The following NCOR1 variants were observed in gnomAD, a reference collection of about 807,000 sequenced individuals.
NCOR1 encodes nuclear receptor corepressor 1.
In NCOR1, 63 loss-of-function variants were observed where a neutral mutation model predicts 288.1. The ratio of observed to expected loss-of-function variants is 0.22; its 90% CI spans 0.18 to 0.27. The LOEUF is 0.27. Among genes scored for constraint, NCOR1 ranks in the 10% least tolerant of loss-of-function variants. The pLI, the probability that NCOR1 is intolerant of heterozygous loss-of-function variation, is 1.00. For missense variants in NCOR1, 2,397 were observed against 3,019.2 expected (o/e 0.79, Z 4.83); for synonymous variants, 1,007 against 1,065.9 (o/e 0.94, Z 1.08).
intron 15 of NCOR1, among the ~76,000 whole-genome samples, chr17:16,124,776 C>T (rs969274964): frequency 1.2e-4 from 18 of 152,076 alleles, no homozygotes; most frequent in Non-Finnish European, 2.6e-4. Context: ...TTTTATATGA[C>T]GAAGTCAATA....
chr17:16,160,674 C>G (rs922792348), intron 5 of NCOR1, among the ~76,000 whole-genome samples: 1 of 152,144 alleles, frequency 6.6e-6, no homozygotes. Flanking sequence ...AGCCTGTAAC[C>G]CCAGCTACTC....
intron 2 of NCOR1, among the ~76,000 whole-genome samples, chr17:16,187,720 C>A (rs1308321653): frequency 6.6e-6 from 1 of 151,738 alleles, no homozygotes; most frequent in Non-Finnish European, 1.5e-5. Context: ...GTCTGGGCAA[C>A]ATAGTGAGAC....
chr17:16,152,007 G>T lies in NCOR1; in HGVS notation c.790-9C>A. ...GGCTGGTTATACAGTGGCTATAAAAGAAATCAAATATTTATGTATAAAATG... is the reference window on the plus strand; with the variant it reads ...GGCTGGTTATACAGTGGCTATAAAATAAATCAAATATTTATGTATAAAATG... On this transcript the variant is annotated splice_polypyrimidine_tract_variant and intron_variant, in intron 7 of 45. Transcript: ENST00000268712. 2 of 1,557,884 alleles carry T rather than the reference G, an allele frequency of 1.3e-6. No homozygotes were observed. Among genetic ancestry groups the T allele is most frequent in the Admixed American group, 1.9e-5 (1 of 51,696 alleles).
intron 13 of NCOR1, 117 bp downstream of exon 13, chr17:16,138,041 T>C: frequency 1.4e-6 from 1 of 725,982 alleles, no homozygotes; most frequent in Non-Finnish European, 2.3e-6. Context: ...CATGAGACTC[T>C]TCGCAGTCTT....
chr17:16,153,446 A>C (rs1174006713), intron 6 of NCOR1, 51 bp from the exon 7 acceptor site: 1 of 1,194,684 alleles, frequency 8.4e-7, no homozygotes, highest in East Asian at 2.4e-5. Context: ...ACATTATCTA[A>C]GTGCAAAATA....
intron 5 of NCOR1, among the ~76,000 whole-genome samples, chr17:16,160,631 A>G (rs372241348): frequency 1.5e-4 from 23 of 152,220 alleles, no homozygotes; most frequent in African/African-American, 5.1e-4. Context: ...GCTTTATTAA[A>G]GATACAAAAA....
intron 14 of NCOR1, among the ~76,000 whole-genome samples, chr17:16,128,553 T>C (rs2075110257): frequency 6.6e-6 from 1 of 152,240 alleles, no homozygotes; most frequent in African/African-American, 2.4e-5. Flanking sequence ...TGTATGCATA[T>C]GTTGGATAAA....
rs1322104797 is a variant in NCOR1, at chr17:16,061,683, C to G, written c.5599G>C (p.Glu1867Gln). 6.2e-7 allele frequency: 1 copy of G among 1,614,246 alleles called. No homozygotes were observed. The highest frequency in any genetic ancestry group is 1.3e-5 in the African/African-American group (1 of 75,068). ...SAAVSEQQQL[E>Q]QKTLEVEKRS... ...TTCTCCACCTCCAGGGTTTTCTGCT[C>G]TAGCTGCTGCTGTTCACTAACTGCT... The change falls in exon 37 of 46, where the codon GAG (glutamate) becomes CAG (glutamine). Residue 1867 changes from glutamate (E) to glutamine (Q), a missense_variant. This residue lies in a region of NCOR1 where 1,872 missense variants were observed against 2,187.8 expected (regional missense o/e 0.86). Transcript: ENST00000268712.
chr17:16,111,515 T>TATA (rs1414967523), intron 18 of NCOR1, among the ~76,000 whole-genome samples: 1 of 151,936 alleles, frequency 6.6e-6, no homozygotes, highest in Admixed American at 6.6e-5. Flanking sequence ...GGCAGGAGTA[T>TATA]CGCTTGAGCC....
At chr17:16,147,344 G>T (rs1220621557) in intron 9 of NCOR1, among the ~76,000 whole-genome samples, 2 of 152,144 alleles carry the variant, frequency 1.3e-5, no homozygotes, top group Non-Finnish European at 2.9e-5. Context: ...AGGAGGTGGA[G>T]GTTGCAGTGA....
At chr17:16,126,886 C>G (rs2074140394) in intron 14 of NCOR1, among the ~76,000 whole-genome samples, 1 of 152,038 alleles carries the variant, frequency 6.6e-6, no homozygotes, top group African/African-American at 2.4e-5. Context: ...ACAGTAGCCC[C>G]CACCATATCA....
chr17:16,113,619 G>A (rs776003133), intron 18 of NCOR1, among the ~76,000 whole-genome samples: 24 of 152,214 alleles, frequency 1.6e-4, no homozygotes, highest in Middle Eastern at 3.4e-3. Context: ...CTGGCCAGGC[G>A]CGGTGGCTCA....
chr17:16,206,832 A>T (rs1439576676), intron 1 of NCOR1, among the ~76,000 whole-genome samples: 1 of 152,230 alleles, frequency 6.6e-6, no homozygotes, highest in East Asian at 1.9e-4. Context: ...AATTAGACAA[A>T]CACAGAAAAG....
chr17:16,151,581 T>C, intron 8 of NCOR1: 1 of 1,322,712 alleles, frequency 7.6e-7, no homozygotes, highest in Non-Finnish European at 1.0e-6. Flanking sequence ...AAAAGCTTCA[T>C]TATCTTACTT....
chr17:16,137,517 TAAAGAA>T, intron 13 of NCOR1, 105 bp from the exon 14 acceptor site: 1 of 616,626 alleles, frequency 1.6e-6, no homozygotes, highest in Non-Finnish European at 2.6e-6. Context: ...AAAGTAAAAT[TAAAGAA>T]AAAGAACAAC....
At chr17:16,129,279 C>A (rs1312673684) in intron 14 of NCOR1, among the ~76,000 whole-genome samples, 1 of 152,178 alleles carries the variant, frequency 6.6e-6, no homozygotes, top group Non-Finnish European at 1.5e-5. Flanking sequence ...TACAACCACC[C>A]ATCGCACACC....
chr17:16,106,436 A>G (rs1275141577), intron 19 of NCOR1, among the ~76,000 whole-genome samples: 3 of 122,082 alleles, frequency 2.5e-5, no homozygotes, highest in African/African-American at 7.6e-5. Context: ...TCCTAAAAAT[A>G]CAAAAAAAAA....
In NCOR1 at chr17:16,127,538, C is replaced by T. The variant is rs116725065; in HGVS notation, c.1510-1332G>A. 7.9e-4 allele frequency among the ~76,000 whole-genome samples: 89 copies of T among 113,252 alleles called. 5 individuals carry two copies. The highest frequency in any genetic ancestry group is 4.2e-3 in the African/African-American group (79 of 18,956). The allele number at this position is 113,252 out of a possible 152,430, so 74.3% of individuals were successfully genotyped here. On this transcript the variant is annotated intron_variant, in intron 14 of 45. Transcript: ENST00000268712. ...GTATATACACACGTGTATATATCTGCATGTATATATACACATGTGTATATA... is the reference window on the plus strand; with the variant it reads ...GTATATACACACGTGTATATATCTGTATGTATATATACACATGTGTATATA...
Position 16,121,229 on chromosome 17 carries a change from C to A in NCOR1, c.1675G>T (p.Glu559Ter). The change falls in exon 16 of 46, where the codon GAA becomes TAA. Residue 559 changes from glutamate (E) to a stop codon, truncating the protein, a stop_gained. Transcript: ENST00000268712. LOFTEE classifies it high-confidence loss of function. ...KEKDKIDGTA[E>*]ETEEREQATP... The stretch of plus-strand genomic sequence containing the variant: ...GCTTGCTCTCTTTCCTCAGTTTCTT[C>A]TGCTGTACCATCTATCTTGTCCTTT... 6.2e-7 allele frequency: 1 copy of A among 1,614,072 alleles called. No homozygotes were observed. The highest frequency in any genetic ancestry group is 8.5e-7 in the Non-Finnish European group (1 of 1,180,038).
Sources: allele counts gnomAD v4.1 joint callset (sites outside exome capture counted in the v4.1 genomes callset), GRCh38; gene constraint gnomAD v4.1.1; regional missense constraint gnomAD v4.1.1; transcripts MANE v1.5; gene names NCBI Gene and HGNC (gene_info 2026-07-23, HGNC 2026-07-21).